GMNC: variants seen among roughly 807,000 people sequenced by gnomAD.
The protein encoded by GMNC is geminin coiled-coil domain containing.
Under a neutral mutation model 33.6 loss-of-function variants are expected in GMNC, and 16 were observed. The ratio of observed to expected loss-of-function variants is 0.48; its 90% CI spans 0.32 to 0.72. The LOEUF (loss-of-function observed/expected upper bound fraction) is 0.72. Among genes scored for constraint, GMNC ranks in the 30% least tolerant of loss-of-function variants. The probability of loss-of-function intolerance (pLI) is 0.03; values close to 1 mark genes in which losing one functional copy is unlikely to be tolerated. For missense variants in GMNC, 393 were observed against 388.9 expected, an observed-to-expected ratio of 1.01 and a Z score of -0.09; for synonymous variants, 156 against 147.3, an observed-to-expected ratio of 1.06 and a Z score of -0.43.
rs768638996 is a variant in GMNC at position 190,854,524 on chromosome 3, G to C, written c.*771C>G. 1 of 152,152 alleles carries C rather than the reference G, an allele frequency of 6.6e-6. No homozygotes were observed. Among genetic ancestry groups the C allele is most frequent in the African/African-American group, 2.4e-5 (1 of 41,438 alleles). 9.4% of individuals were successfully genotyped at this position (152,152 alleles called of 1,614,324 possible). ...GTAGTTGCAGATGATGACTAGTTTT[G>C]TTACCACAGTCCCTCAAAATGTTCT... On this transcript the variant is annotated 3_prime_UTR_variant, in exon 5 of 5. Coordinates refer to ENST00000442080, the MANE Select transcript of GMNC (RefSeq NM_001146686.3).
rs1317510770 is a variant in GMNC, at chr3:190,855,774, T to C, written c.526A>G (p.Asn176Asp). The C allele has an allele frequency of 6.4e-7, 1 of 1,551,524 alleles. No individual in the cohort carries two copies. The highest frequency in any genetic ancestry group is 8.7e-7 in the Non-Finnish European group (1 of 1,146,904). The change falls in exon 5 of 5, where the codon AAC becomes GAC. Residue 176 changes from asparagine (N) to aspartate (D), a missense_variant. Physicochemically the swap from Asn to Asp is conservative, Grantham distance 23 (BLOSUM62 1). Coordinates refer to ENST00000442080, the MANE Select transcript of GMNC (RefSeq NM_001146686.3). ...AKRNLSSEFA[N>D]CEEQAGPPVD... ...GGGGGCCCAGCTTGTTCTTCACAGTTAGCAAATTCACTAGAGAGGTTTCTT... is the reference window on the plus strand; with the variant it reads ...GGGGGCCCAGCTTGTTCTTCACAGTCAGCAAATTCACTAGAGAGGTTTCTT...
intron 4 of GMNC, among the ~76,000 whole-genome samples, chr3:190,856,867 T>G (rs1477565817): frequency 6.6e-6 from 1 of 151,822 alleles, no homozygotes; most frequent in Non-Finnish European, 1.5e-5. Flanking sequence ...ATAAGTGTCC[T>G]TTTATGGAAT....
chr3:190,858,240 G>GACTC (rs1737789096), intron 3 of GMNC, among the ~76,000 whole-genome samples: 1 of 152,104 alleles, frequency 6.6e-6, no homozygotes, highest in Non-Finnish European at 1.5e-5. Flanking sequence ...GATGTTGCTG[G>GACTC]ACTCCTTCCT....
At chr3:190,846,574 T>C in the GMNC span, among the ~76,000 whole-genome samples, 37 of 152,328 alleles carry the variant, frequency 2.4e-4, no homozygotes, top group African/African-American at 8.7e-4. Flanking sequence ...CTTTGACATA[T>C]TTATTTGGTA....
chr3:190,849,741 T>C (rs2108527694), downstream of GMNC, among the ~76,000 whole-genome samples: 1 of 152,336 alleles, frequency 6.6e-6, no homozygotes, highest in South Asian at 2.1e-4. Flanking sequence ...AAGGTATCAA[T>C]TAACCACTGA....
chr3:190,843,908 C>CTT, the GMNC span, among the ~76,000 whole-genome samples: 14 of 152,130 alleles, frequency 9.2e-5, no homozygotes, highest in African/African-American at 2.9e-4. Context: ...AAATAAAAGT[C>CTT]TCAGAATTAA....
downstream of GMNC, among the ~76,000 whole-genome samples, chr3:190,850,884 A>G (rs1737623615): frequency 6.6e-6 from 1 of 152,232 alleles, no homozygotes; most frequent in South Asian, 2.1e-4. Context: ...ACATTGTGAT[A>G]ATATGTTTGA....
At chr3:190,850,337 G>A (rs1644607435), downstream of GMNC, among the ~76,000 whole-genome samples, 2 of 152,246 alleles carry the variant, frequency 1.3e-5, no homozygotes, top group South Asian at 4.1e-4. Flanking sequence ...GATAGAGACA[G>A]GAGACAGCCA....
rs1228221355 is a variant in GMNC, at chr3:190,854,357, T to G, written c.*938A>C. On this transcript the variant is annotated 3_prime_UTR_variant, in exon 5 of 5. Transcript: ENST00000442080. ...CACCATCACATAGCATAGTGCCTGG[T>G]ACAAAGTAGGCATTAGGTATTCTAC... is the stretch of plus-strand genomic sequence containing the variant. The G allele has an allele frequency of 6.6e-6, 1 of 152,192 alleles. No homozygotes were observed. Among genetic ancestry groups the G allele is most frequent in the Non-Finnish European group, 1.5e-5 (1 of 68,038 alleles). The allele number at this position is 152,192 out of a possible 1,614,324, so 9.4% of individuals were successfully genotyped here.
chr3:190,855,244 G>A lies in GMNC; in HGVS notation c.*51C>T. The A allele has an allele frequency of 6.6e-7, 1 of 1,517,242 alleles. No homozygotes were observed. The highest frequency in any genetic ancestry group is 8.9e-7 in the Non-Finnish European group (1 of 1,124,666). 94.0% of individuals were successfully genotyped at this position (1,517,242 alleles called of 1,614,324 possible). A position where few individuals can be genotyped will look rare whatever the true frequency, so the allele number is the denominator to read the frequency against. On this transcript the variant is annotated 3_prime_UTR_variant, in exon 5 of 5. Transcript: ENST00000442080. ...CATAGTCAAATTCAAGTGCAAGAGA[G>A]GTCTTTGTAAACAGAGTTCGTGGCA...
intron 4 of GMNC, 65 bp from the exon 5 acceptor site, chr3:190,855,980 G>A (rs1457592337): frequency 1.2e-5 from 15 of 1,235,644 alleles, no homozygotes; most frequent in African/African-American, 9.2e-5. Flanking sequence ...AAATTATTTC[G>A]GAAAAAATGC....
the GMNC span, among the ~76,000 whole-genome samples, chr3:190,846,372 A>T: frequency 6.6e-6 from 1 of 152,244 alleles, no homozygotes; most frequent in Non-Finnish European, 1.5e-5. Context: ...AAAAATTTTA[A>T]TAACCTGAAA....
chr3:190,857,435 A>T (rs1737769587), intron 4 of GMNC, among the ~76,000 whole-genome samples: 2 of 152,160 alleles, frequency 1.3e-5, no homozygotes, highest in African/African-American at 4.8e-5. Flanking sequence ...CAAACAGATC[A>T]TTAAAAGAAC....
In GMNC at chr3:190,857,814, G is replaced by C; in HGVS notation, c.353C>G (p.Ala118Gly). 6.5e-7 allele frequency: 1 copy of C among 1,548,224 alleles called. No individual in the cohort carries two copies. Among genetic ancestry groups the C allele is most frequent in the Non-Finnish European group, 8.7e-7 (1 of 1,143,908 alleles). Residue 118 changes from alanine to glycine, a missense_variant, in exon 4 of 5, where the codon GCT becomes GGT. Ala to Gly is a moderately conservative substitution (Grantham distance 60). Coordinates refer to ENST00000442080, the MANE Select transcript of GMNC (RefSeq NM_001146686.3). ...CTTTTCTTCAAGACATTTAACCAAA[G>C]CAGAATTCAGGTATTGTCTGAGGTG... ...NNHLRQYLNSALVKCLEEKAK... is the reference protein window; with the variant it reads ...NNHLRQYLNSGLVKCLEEKAK...
the GMNC span, among the ~76,000 whole-genome samples, chr3:190,844,865 C>G: frequency 6.6e-6 from 1 of 151,890 alleles, no homozygotes; most frequent in African/African-American, 2.4e-5. Context: ...TGGAGGAATA[C>G]AGAAGAAAAG....
chr3:190,846,879 C>A, the GMNC span, among the ~76,000 whole-genome samples: 1 of 152,182 alleles, frequency 6.6e-6, no homozygotes, highest in South Asian at 2.1e-4. Context: ...AGGTCGCTTT[C>A]GTCCATGAAA....
Position 190,862,511 on chromosome 3 carries a change from A to G in GMNC, c.3+102T>C. ...CTGTTTTAACTGGCGGGTAGCGGAGAAATCTTGCTCCGAAGGTGGAATAAA... is the reference window on the plus strand; with the variant it reads ...CTGTTTTAACTGGCGGGTAGCGGAGGAATCTTGCTCCGAAGGTGGAATAAA... On this transcript the variant is annotated intron_variant, in intron 1 of 4. Coordinates refer to ENST00000442080, the MANE Select transcript of GMNC (RefSeq NM_001146686.3). This position sits in a 1 kb window ranked among gnomAD's most constrained non-coding sequence, Gnocchi z 4.5. The G allele has an allele frequency of 2.3e-6, 2 of 877,954 alleles. No homozygotes were observed. Among genetic ancestry groups the G allele is most frequent in the Admixed American group, 2.0e-5 (1 of 50,190 alleles). 54.4% of individuals were successfully genotyped at this position (877,954 alleles called of 1,614,324 possible). A position where few individuals can be genotyped will look rare whatever the true frequency, so the allele number is the denominator to read the frequency against.
chr3:190,849,368 A>AG (rs5855352), downstream of GMNC, among the ~76,000 whole-genome samples: 80,881 of 152,052 alleles, frequency 0.53, 24,520 homozygotes, highest in African/African-American at 0.84. Flanking sequence ...CCTGTGGGCC[A>AG]GGGGTGGAAG....
At chr3:190,857,357 G>C (rs1178118439) in intron 4 of GMNC, among the ~76,000 whole-genome samples, 1 of 152,000 alleles carries the variant, frequency 6.6e-6, no homozygotes, top group East Asian at 1.9e-4. Flanking sequence ...ATTTTTAAAA[G>C]ATATTTTAGA....
Sources: gnomAD v4.1 joint callset for allele counts (sites outside exome capture counted in the v4.1 genomes callset) on GRCh38, gnomAD v4.1.1 for gene constraint, Gnocchi (gnomAD v3.1) non-coding constraint, MANE v1.5 for transcripts, NCBI Gene and HGNC (gene_info 2026-07-23, HGNC 2026-07-21) for gene names.